EHMT1: variants seen among roughly 807,000 people sequenced by gnomAD.
EHMT1 encodes euchromatic histone lysine methyltransferase 1.
EHMT1 carries 15 observed loss-of-function variants against 147.2 expected under a neutral mutation model. That is an observed-to-expected ratio of 0.10 (90% confidence interval 0.07 to 0.16). The LOEUF is 0.16. Among genes scored for constraint, EHMT1 ranks in the 10% least tolerant of loss-of-function variants. The pLI is 1.00. For synonymous variants in EHMT1, 795 were observed against 709.6 expected, an observed-to-expected ratio of 1.12 and a Z score of -1.91; for missense variants, 1,587 against 1,772.4, an observed-to-expected ratio of 0.90 and a Z score of 1.88.
intron 6 of EHMT1, among the ~76,000 whole-genome samples, chr9:137,750,853 AT>A (rs1478329131): frequency 6.6e-6 from 1 of 152,222 alleles, no homozygotes; most frequent in Non-Finnish European, 1.5e-5. Context: ...ATAAAGGTCG[AT>A]TGTAAGACTG....
intron 6 of EHMT1, 59 bp from the exon 7 acceptor site, chr9:137,752,272 G>A (rs1949030620): frequency 1.9e-6 from 3 of 1,580,422 alleles, no homozygotes; most frequent in Non-Finnish European, 2.6e-6. Flanking sequence ...TGCCACTAAA[G>A]GATGTAATTG....
At chr9:137,709,769 C>A (rs939483221) in intron 1 of EHMT1, among the ~76,000 whole-genome samples, 1 of 152,166 alleles carries the variant, frequency 6.6e-6, no homozygotes, top group African/African-American at 2.4e-5. Context: ...CAAGTCTGTG[C>A]CTCTCCTCTT....
chr9:137,768,338 T>C (rs1271016151), intron 10 of EHMT1, among the ~76,000 whole-genome samples: 1 of 149,448 alleles, frequency 6.7e-6, no homozygotes, highest in East Asian at 1.9e-4. Context: ...TTTTCTTCAT[T>C]TTCTGTGTGT....
At chr9:137,792,081 G>A (rs758563667) in intron 16 of EHMT1, 23 of 469,432 alleles carry the variant, frequency 4.9e-5, no homozygotes, top group East Asian at 2.1e-4. Flanking sequence ...AAGTTTATAC[G>A]GAGTCTCAAG....
chr9:137,776,710 C>T lies in EHMT1; in HGVS notation c.1884C>T (p.Pro628=). The T allele has an allele frequency of 6.2e-7, 1 of 1,614,126 alleles. No homozygotes were observed. The highest frequency in any genetic ancestry group is 8.5e-7 in the Non-Finnish European group (1 of 1,180,018). The change falls in exon 12 of 27, where the codon CCC becomes CCT. Residue 628 remains proline, a synonymous_variant. Transcript: ENST00000460843. This position sits in a 1 kb window ranked among gnomAD's most constrained non-coding sequence, Gnocchi z 4.4. Reference sequence around the variant, plus strand: ...GAGTCAATAACGCCAGCTATTGTCCCCACTGTGGGGAGGAGAGCTCCAAGG... The same window carrying T: ...GAGTCAATAACGCCAGCTATTGTCCTCACTGTGGGGAGGAGAGCTCCAAGG... ...ASRVNNASYC[P]HCGEESSKAK... is the part of the protein sequence containing the mutation.
intron 18 of EHMT1, chr9:137,803,266 A>T: frequency 9.6e-7 from 1 of 1,037,300 alleles, no homozygotes; most frequent in Non-Finnish European, 1.2e-6. Context: ...TATTCAAAGT[A>T]CACACTTGGG....
intron 14 of EHMT1, among the ~76,000 whole-genome samples, chr9:137,780,406 G>A (rs1300653412): frequency 2.8e-5 from 4 of 140,654 alleles, no homozygotes; most frequent in South Asian, 2.4e-4. Flanking sequence ...TGGTGATGAC[G>A]CTGGGATGTG....
chr9:137,802,692 G>A (rs1197662072), intron 18 of EHMT1: 7 of 614,308 alleles, frequency 1.1e-5, no homozygotes, highest in Admixed American at 8.7e-5. Context: ...TAGAAACAGG[G>A]ACCACTGGCT....
chr9:137,792,092 A>T, intron 16 of EHMT1: 1 of 470,080 alleles, frequency 2.1e-6, no homozygotes, highest in Non-Finnish European at 4.4e-6. Context: ...GAGTCTCAAG[A>T]GACCCAGAGA....
chr9:137,682,014 C>T (rs1421735550), intron 1 of EHMT1, among the ~76,000 whole-genome samples: 1 of 151,958 alleles, frequency 6.6e-6, no homozygotes, highest in Non-Finnish European at 1.5e-5. Flanking sequence ...GCAGTGGTGC[C>T]ATCTCGGCTC....
chr9:137,744,638 C>A (rs986781694), intron 6 of EHMT1, among the ~76,000 whole-genome samples: 6 of 152,194 alleles, frequency 3.9e-5, no homozygotes, highest in African/African-American at 1.4e-4. Context: ...GTTCTGGGCT[C>A]TAGATTGACA....
chr9:137,772,306 A>T (rs1047729924), intron 10 of EHMT1, among the ~76,000 whole-genome samples: 4 of 152,198 alleles, frequency 2.6e-5, no homozygotes, highest in Admixed American at 2.0e-4. Flanking sequence ...ACATGGGGAT[A>T]CATTTTACGT....
At chr9:137,754,805 C>A (rs1210112831) in intron 8 of EHMT1, among the ~76,000 whole-genome samples, 1 of 152,238 alleles carries the variant, frequency 6.6e-6, no homozygotes, top group Non-Finnish European at 1.5e-5. Flanking sequence ...GTGTGAGCCA[C>A]TGCGCCCGGC....
chr9:137,739,176 C>T (rs1947829530), intron 4 of EHMT1, among the ~76,000 whole-genome samples: 1 of 151,272 alleles, frequency 6.6e-6, no homozygotes, highest in Non-Finnish European at 1.5e-5. Context: ...TCGAGACCAT[C>T]CTGGCTAACA....
intron 22 of EHMT1, 60 bp from the exon 23 acceptor site, chr9:137,815,887 G>A (rs1954879333): frequency 3.6e-6 from 5 of 1,394,800 alleles, no homozygotes; most frequent in African/African-American, 1.4e-5. Context: ...ATGGGTTGAT[G>A]TCAGTTCAAT....
At position 137,743,890 on chromosome 9, in the gene EHMT1, C is replaced by G. The variant is rs1278561367; in HGVS notation, c.982-12C>G. The G allele has an allele frequency of 1.9e-6, 3 of 1,606,628 alleles. No homozygotes were observed. In the African/African-American group the frequency reaches 4.0e-5, roughly 21 times the overall value. On this transcript the variant is annotated splice_polypyrimidine_tract_variant and intron_variant, in intron 5 of 26. Coordinates refer to ENST00000460843, the MANE Select transcript of EHMT1 (RefSeq NM_024757.5). ...GATCCTGCCTTGGGGTATACACCTG[C>G]CCGTGTTCTAGGGGGAGAAGGACCT...
intron 22 of EHMT1, chr9:137,815,550 G>A: frequency 3.1e-6 from 1 of 326,982 alleles, no homozygotes; most frequent in South Asian, 2.7e-5. Context: ...CACAGTTGAG[G>A]ATTTGCAAGG....
In EHMT1 at chr9:137,687,675, C is replaced by T. The variant is rs1192278597; in HGVS notation, c.22-23292C>T. Among the ~76,000 whole-genome samples, 8 of 152,282 alleles carry T rather than the reference C, an allele frequency of 5.3e-5. No homozygotes were observed. The South Asian group carries it at 6.2e-4, about 12-fold the overall frequency. ...TTGGGAGAGACTCCTACCCGTCACGCGAGGACACGGCAAGAAGATGGCAGG... is the reference window on the plus strand; with the variant it reads ...TTGGGAGAGACTCCTACCCGTCACGTGAGGACACGGCAAGAAGATGGCAGG... On this transcript the variant is annotated intron_variant, in intron 1 of 26. Coordinates refer to ENST00000460843, the MANE Select transcript of EHMT1 (RefSeq NM_024757.5).
At chr9:137,724,345 C>T (rs1055541381) in intron 3 of EHMT1, among the ~76,000 whole-genome samples, 8 of 152,110 alleles carry the variant, frequency 5.3e-5, no homozygotes, top group African/African-American at 1.7e-4. Flanking sequence ...GGAAGAGCCT[C>T]GGGGAAGGGC....
Sources: allele counts gnomAD v4.1 joint callset (sites outside exome capture counted in the v4.1 genomes callset), GRCh38; gene constraint gnomAD v4.1.1; non-coding constraint Gnocchi (gnomAD v3.1); transcripts MANE v1.5; gene names NCBI Gene and HGNC (gene_info 2026-07-23, HGNC 2026-07-21).